Variants in FSD1L observed in about 807,000 individuals in gnomAD.
The protein encoded by FSD1L is fibronectin type III and SPRY domain containing 1 like, also known as FSD1-like protein.
In FSD1L, 45 loss-of-function variants were observed where a neutral mutation model predicts 71.6. The ratio of observed to expected loss-of-function variants is 0.63; its 90% CI spans 0.49 to 0.81. The LOEUF is 0.81. FSD1L is among the 30% of genes least tolerant of loss of function. The pLI is 0.00. For synonymous variants in FSD1L, 197 were observed against 207.2 expected (o/e 0.95, Z 0.42); for missense variants, 561 against 618.1 (o/e 0.91, Z 0.98).
At chr9:105,522,275 T>C in intron 10 of FSD1L, 1 of 1,613,696 alleles carries the variant, frequency 6.2e-7, no homozygotes, top group Non-Finnish European at 8.5e-7. Context: ...AAGTTTTAGC[T>C]AGGAATTTAT....
intron 10 of FSD1L, chr9:105,522,591 A>G: frequency 1.9e-6 from 3 of 1,613,410 alleles, no homozygotes; most frequent in Non-Finnish European, 2.5e-6. Context: ...AGAAACTGGA[A>G]ATGAAGTTTT....
At chr9:105,469,405 C>G (rs930795192) in intron 4 of FSD1L, among the ~76,000 whole-genome samples, 1 of 151,434 alleles carries the variant, frequency 6.6e-6, no homozygotes, top group Non-Finnish European at 1.5e-5. Flanking sequence ...GTTCCAATTT[C>G]TTCATGTGCT....
rs1468142313 is a variant in FSD1L, at chr9:105,535,275, T to C, written c.1335T>C (p.Val445=). The change falls in exon 12 of 14, where the codon GTT becomes GTC. Residue 445 remains valine, a synonymous_variant. Coordinates refer to ENST00000481272, the MANE Select transcript of FSD1L (RefSeq NM_001145313.3). Reference sequence around the variant, plus strand: ...ATAATAAAGTCAAAGCTTTGGATGTTACTGTTCCTGAAAAAATAGGTGTAT... The same window carrying C: ...ATAATAAAGTCAAAGCTTTGGATGTCACTGTTCCTGAAAAAATAGGTGTAT... ...KHNNKVKALD[V]TVPEKIGVFC... 1 of 1,551,564 alleles carries C rather than the reference T, an allele frequency of 6.4e-7. No individual in the cohort carries two copies. The highest frequency in any genetic ancestry group is 8.7e-7 in the Non-Finnish European group (1 of 1,146,952).
chr9:105,500,426 G>A (rs1329637998), intron 7 of FSD1L, among the ~76,000 whole-genome samples: 1 of 152,162 alleles, frequency 6.6e-6, no homozygotes, highest in Non-Finnish European at 1.5e-5. Context: ...GCTGGAGTGG[G>A]CTGGGGTTGG....
chr9:105,458,518 A>G (rs1830493404), intron 1 of FSD1L, among the ~76,000 whole-genome samples: 2 of 152,132 alleles, frequency 1.3e-5, no homozygotes. Flanking sequence ...GAGTCCTGAA[A>G]TGGGTAGTCC....
At chr9:105,465,256 A>G (rs906299003) in intron 3 of FSD1L, among the ~76,000 whole-genome samples, 1 of 152,232 alleles carries the variant, frequency 6.6e-6, no homozygotes. Flanking sequence ...AGGAAATTGA[A>G]TCCACAGTGA....
At chr9:105,479,637 A>C (rs1269567254) in intron 6 of FSD1L, among the ~76,000 whole-genome samples, 1 of 152,238 alleles carries the variant, frequency 6.6e-6, no homozygotes, top group Non-Finnish European at 1.5e-5. Context: ...GTTTTAGAAC[A>C]GTTCTTAATT....
intron 5 of FSD1L, 171 bp downstream of exon 5, chr9:105,472,176 A>G: frequency 1.3e-6 from 1 of 758,190 alleles, no homozygotes; most frequent in Non-Finnish European, 1.9e-6. Flanking sequence ...GCAAACACTT[A>G]GAAGTGTGTG....
chr9:105,498,159 T>A (rs1347035480), intron 7 of FSD1L, among the ~76,000 whole-genome samples: 1 of 150,890 alleles, frequency 6.6e-6, no homozygotes, highest in Admixed American at 6.6e-5. Context: ...TTTGTTCTAA[T>A]TTTCATTATT....
At chr9:105,515,215 G>C (rs916181936) in intron 10 of FSD1L, among the ~76,000 whole-genome samples, 10 of 152,150 alleles carry the variant, frequency 6.6e-5, no homozygotes, top group African/African-American at 2.2e-4. Context: ...GGGCCTGAAA[G>C]ATCACATACA....
At chr9:105,511,725 C>T (rs1013792852) in intron 9 of FSD1L, among the ~76,000 whole-genome samples, 7 of 152,052 alleles carry the variant, frequency 4.6e-5, no homozygotes, top group Admixed American at 4.6e-4. Context: ...AATTAAAGTG[C>T]TCTTTACAGA....
At chr9:105,535,844 A>G (rs1168336366) in intron 12 of FSD1L, among the ~76,000 whole-genome samples, 1 of 152,200 alleles carries the variant, frequency 6.6e-6, no homozygotes, top group Non-Finnish European at 1.5e-5. Context: ...CTACTATCCT[A>G]GTAAACATAA....
rs376430805 is a variant in FSD1L at position 105,508,238 on chromosome 9, C to T, written c.797-379C>T. On this transcript the variant is annotated intron_variant, in intron 8 of 13. Coordinates refer to ENST00000481272, the MANE Select transcript of FSD1L (RefSeq NM_001145313.3). ...TGTCGCCCAGACTGGTGTGCAGTGG[C>T]GCGATCTCAGCTAACTGCAAGCTCC... 2.5e-3 allele frequency among the ~76,000 whole-genome samples: 365 copies of T among 144,604 alleles called. 2 individuals carry two copies. Among genetic ancestry groups the T allele is most frequent in the African/African-American group, 8.8e-3 (339 of 38,458 alleles). The allele number at this position is 144,604 out of a possible 152,430, so 94.9% of individuals were successfully genotyped here. A position where few individuals can be genotyped will look rare whatever the true frequency, so the allele number is the denominator to read the frequency against.
chr9:105,509,810 CTG>C (rs1395049961), intron 9 of FSD1L, among the ~76,000 whole-genome samples: 15 of 152,148 alleles, frequency 9.9e-5, no homozygotes, highest in Admixed American at 9.2e-4. Flanking sequence ...GCAGTTAACT[CTG>C]TATTACATGT....
intron 10 of FSD1L, chr9:105,513,481 A>C: frequency 1.6e-6 from 1 of 620,642 alleles, no homozygotes. Flanking sequence ...TGCCATTGTG[A>C]GTTACAGTAA....
upstream of FSD1L, among the ~76,000 whole-genome samples, chr9:105,444,842 T>G (rs1439102000): frequency 3.3e-5 from 5 of 152,164 alleles, no homozygotes; most frequent in Admixed American, 2.6e-4. Context: ...AGCTTAGAGT[T>G]CATCAGAATC....
At chr9:105,463,867 G>T (rs759485559) in intron 2 of FSD1L, among the ~76,000 whole-genome samples, 1 of 151,754 alleles carries the variant, frequency 6.6e-6, no homozygotes, top group South Asian at 2.1e-4. Flanking sequence ...TTTATTCCTC[G>T]GTTCCTGATG....
At chr9:105,477,647 C>G (rs1831894476) in intron 5 of FSD1L, among the ~76,000 whole-genome samples, 1 of 152,094 alleles carries the variant, frequency 6.6e-6, no homozygotes, top group African/African-American at 2.4e-5. Flanking sequence ...GAGAAGAGTC[C>G]TTTCTTTCCT....
intron 1 of FSD1L, among the ~76,000 whole-genome samples, chr9:105,456,290 G>A (rs1830350849): frequency 6.6e-6 from 1 of 152,118 alleles, no homozygotes; most frequent in Non-Finnish European, 1.5e-5. Flanking sequence ...GATATTCTAG[G>A]CAAGCTGCTT....
Sources: allele counts gnomAD v4.1 joint callset (sites outside exome capture counted in the v4.1 genomes callset), GRCh38; gene constraint gnomAD v4.1.1; transcripts MANE v1.5; gene names NCBI Gene and HGNC (gene_info 2026-07-23, HGNC 2026-07-21).